The following UBE2E2 variants were observed in gnomAD, a reference collection of about 807,000 sequenced individuals.
UBE2E2 encodes the protein ubiquitin conjugating enzyme E2 E2.
In UBE2E2, 6 loss-of-function variants were observed where a neutral mutation model predicts 24.7. The observed-to-expected ratio is 0.24, with a 90% CI of 0.13 to 0.48. The LOEUF (loss-of-function observed/expected upper bound fraction) is 0.48, where lower values mean the gene tolerates loss of function less well. Among genes scored for constraint, UBE2E2 ranks in the 20% least tolerant of loss-of-function variants. The pLI, the probability that UBE2E2 is intolerant of heterozygous loss-of-function variation, is 0.99. For synonymous variants in UBE2E2, 104 were observed against 83.6 expected (o/e 1.24, Z -1.33); for missense variants, 169 against 245.0 (o/e 0.69, Z 2.07).
chr3:23,297,646 A>G (rs1382558492), intron 3 of UBE2E2, among the ~76,000 whole-genome samples: 2 of 152,174 alleles, frequency 1.3e-5, no homozygotes, highest in East Asian at 3.9e-4. Context: ...ATTGGTCTAT[A>G]TCTCTGTTTT....
chr3:23,284,518 T>G (rs1304184138), intron 3 of UBE2E2, among the ~76,000 whole-genome samples: 1 of 104,692 alleles, frequency 9.6e-6, no homozygotes, highest in African/African-American at 3.0e-5. Context: ...ATTATTATTA[T>G]GATTATTATT....
chr3:23,353,961 G>A (rs1365232556), intron 3 of UBE2E2, among the ~76,000 whole-genome samples: 1 of 152,142 alleles, frequency 6.6e-6, no homozygotes, highest in Non-Finnish European at 1.5e-5. Flanking sequence ...AAAGCTGGAG[G>A]CATCACGCTA....
At chr3:23,233,674 A>G (rs904041251) in intron 3 of UBE2E2, among the ~76,000 whole-genome samples, 1 of 152,194 alleles carries the variant, frequency 6.6e-6, no homozygotes, top group Non-Finnish European at 1.5e-5. Context: ...GAACCTCATT[A>G]TAAGTTTTGC....
At chr3:23,367,172 A>G (rs988437708) in intron 3 of UBE2E2, among the ~76,000 whole-genome samples, 1 of 152,230 alleles carries the variant, frequency 6.6e-6, no homozygotes, top group Non-Finnish European at 1.5e-5. Context: ...TCATTATAAA[A>G]TGGAATTAAT....
chr3:23,284,062 A>G (rs1014587448), intron 3 of UBE2E2, among the ~76,000 whole-genome samples: 7 of 152,190 alleles, frequency 4.6e-5, no homozygotes, highest in Non-Finnish European at 8.8e-5. Context: ...GTAATTAATT[A>G]TAGCTTAGGT....
At chr3:23,205,326 A>G (rs1434873141) in intron 1 of UBE2E2, among the ~76,000 whole-genome samples, 1 of 152,206 alleles carries the variant, frequency 6.6e-6, no homozygotes, top group Non-Finnish European at 1.5e-5. Flanking sequence ...GGATCAGATT[A>G]GCTATTTAGG....
At chr3:23,363,648 C>G (rs184578072) in intron 3 of UBE2E2, among the ~76,000 whole-genome samples, 3 of 152,282 alleles carry the variant, frequency 2.0e-5, no homozygotes, top group Non-Finnish European at 1.5e-5. Flanking sequence ...GACTCATAAA[C>G]AAGTTCTTAC....
At chr3:23,432,018 C>T (rs1478197915) in intron 3 of UBE2E2, among the ~76,000 whole-genome samples, 3 of 152,122 alleles carry the variant, frequency 2.0e-5, no homozygotes, top group East Asian at 3.8e-4. Context: ...TGTAGGCAAA[C>T]GCTACTAGTC....
chr3:23,387,573 G>A (rs1696831771), intron 3 of UBE2E2, among the ~76,000 whole-genome samples: 1 of 152,104 alleles, frequency 6.6e-6, no homozygotes, highest in African/African-American at 2.4e-5. Flanking sequence ...AAAATAGTCT[G>A]GCAATTTTGT....
Position 23,387,706 on chromosome 3 carries a change from A to G in UBE2E2, c.228-111902A>G, listed in dbSNP as rs193034577. Reference sequence around the variant, plus strand: ...AGCACTCAACCGTTGAAGTGTAGGTATGAAGTGCCTGACAGGCCATTGAAA... The same window carrying G: ...AGCACTCAACCGTTGAAGTGTAGGTGTGAAGTGCCTGACAGGCCATTGAAA... On this transcript the variant is annotated intron_variant, in intron 3 of 5. Coordinates refer to ENST00000396703, the MANE Select transcript of UBE2E2 (RefSeq NM_152653.4). Among the ~76,000 whole-genome samples the G allele has an allele frequency of 3.9e-5, 6 of 152,294 alleles. No homozygotes were observed. The East Asian group carries it at 9.6e-4, about 24-fold the overall frequency.
chr3:23,410,194 TA>T (rs1697464911), intron 3 of UBE2E2, among the ~76,000 whole-genome samples: 1 of 152,202 alleles, frequency 6.6e-6, no homozygotes, highest in Non-Finnish European at 1.5e-5. Flanking sequence ...TCACAGAATT[TA>T]AAAGTGTCTG....
chr3:23,519,555 A>G (rs750049287), intron 4 of UBE2E2, among the ~76,000 whole-genome samples: 2 of 152,202 alleles, frequency 1.3e-5, no homozygotes, highest in Non-Finnish European at 2.9e-5. Context: ...CAAAGATTAT[A>G]CATGTTAAGT....
chr3:23,385,484 G>T (rs372724877), intron 3 of UBE2E2, among the ~76,000 whole-genome samples: 1 of 152,124 alleles, frequency 6.6e-6, no homozygotes, highest in African/African-American at 2.4e-5. Context: ...ATAGCATCCC[G>T]CATGGTTTCA....
At chr3:23,250,737 T>A (rs1231550570) in intron 3 of UBE2E2, among the ~76,000 whole-genome samples, 1 of 152,252 alleles carries the variant, frequency 6.6e-6, no homozygotes, top group Non-Finnish European at 1.5e-5. Context: ...TTATATATTC[T>A]GTTGAGTTTT....
rs74894159 is a variant in UBE2E2 at position 23,307,199 on chromosome 3, A to G, written c.227+89887A>G. ...TTTCCATGTGTCTTTTAAAAAATAT[A>G]TACTGTTGCAGTTTCATAGCTGTCA... On this transcript the variant is annotated intron_variant, in intron 3 of 5. Transcript: ENST00000396703. Among the ~76,000 whole-genome samples, 256 of 152,246 alleles carry G rather than the reference A, an allele frequency of 1.7e-3. 4 individuals are homozygous for G. In the East Asian group the frequency reaches 0.039, roughly 23 times the overall value.
Position 23,525,051 on chromosome 3 carries a change from AT to A in UBE2E2, c.361-7502del, listed in dbSNP as rs577632325. Among the ~76,000 whole-genome samples, 1,060 of 152,170 alleles carry A rather than the reference AT, an allele frequency of 7.0e-3. 8 individuals carry two copies. The highest frequency in any genetic ancestry group is 0.017 in the Middle Eastern group (5 of 294). ...TCATTCTTGAGGCTTTAGGGGAAAA[AT>A]CCATTTCCTTGCCTTTTTCAGCTTC... On this transcript the variant is annotated intron_variant, in intron 4 of 5. Coordinates refer to ENST00000396703, the MANE Select transcript of UBE2E2 (RefSeq NM_152653.4).
At chr3:23,303,807 T>A (rs1411957780) in intron 3 of UBE2E2, among the ~76,000 whole-genome samples, 1 of 152,228 alleles carries the variant, frequency 6.6e-6, no homozygotes, top group East Asian at 1.9e-4. Flanking sequence ...CTCAAGTCTG[T>A]TGAAGTATAA....
chr3:23,204,169 C>T (rs1475274048), intron 1 of UBE2E2, among the ~76,000 whole-genome samples: 4 of 148,048 alleles, frequency 2.7e-5, no homozygotes, highest in Non-Finnish European at 6.0e-5. Flanking sequence ...CTCTTTTCTC[C>T]GATCTCTCTC....
At chr3:23,241,853 C>T (rs1697267856) in intron 3 of UBE2E2, among the ~76,000 whole-genome samples, 1 of 152,132 alleles carries the variant, frequency 6.6e-6, no homozygotes, top group African/African-American at 2.4e-5. Context: ...ATTACCACTC[C>T]TCAGAAGCCT....
Sources: allele counts gnomAD v4.1 joint callset (sites outside exome capture counted in the v4.1 genomes callset), GRCh38; gene constraint gnomAD v4.1.1; transcripts MANE v1.5; gene names NCBI Gene and HGNC (gene_info 2026-07-23, HGNC 2026-07-21).